The following SMARCC2 variants were observed in gnomAD, a reference collection of about 807,000 sequenced individuals.
SMARCC2 encodes SWI/SNF related BAF chromatin remodeling complex subunit C2, also known as SWI/SNF complex subunit SMARCC2.
SMARCC2 carries 15 observed loss-of-function variants against 151.3 expected under a neutral mutation model. The observed-to-expected ratio is 0.10, with a 90% CI of 0.07 to 0.15. SMARCC2 has a LOEUF of 0.15. Ranked by LOEUF, SMARCC2 falls within the 10% of genes least tolerant of loss-of-function variation. The pLI is 1.00. For missense variants in SMARCC2, 1,031 were observed against 1,599.7 expected (o/e 0.64, Z 6.06); for synonymous variants, 590 against 609.5 (o/e 0.97, Z 0.47).
intron 27 of SMARCC2, 123 bp downstream of exon 27, chr12:56,165,195 G>T: frequency 8.1e-7 from 1 of 1,237,524 alleles, no homozygotes; most frequent in Non-Finnish European, 1.1e-6. Context: ...AAGAGAGATG[G>T]GCCCATCTGT....
At position 56,171,283 on chromosome 12, in the gene SMARCC2, G is replaced by A; in HGVS notation, c.2335C>T (p.Pro779Ser). The stretch of plus-strand genomic sequence containing the variant: ...TGCCTGGCCTTACCAATCCGCTCAG[G>A]CTCATCAGAGGTGGTTCCTGCAATG... ...SGIAGTTSDE[P>S]ERIEESGNDE... The change falls in exon 22 of 29, where the codon CCT (proline) becomes TCT (serine). Residue 779 changes from proline to serine, a missense_variant. By Grantham distance (74) the Pro-to-Ser change is moderately conservative (BLOSUM62 -1). Transcript: ENST00000550164. The surrounding 1 kb of genome is among the most constrained non-coding windows in gnomAD (Gnocchi z 4.2). 12 of 1,614,216 alleles carry A rather than the reference G, an allele frequency of 7.4e-6. No individual in the cohort carries two copies. Among genetic ancestry groups the A allele is most frequent in the Non-Finnish European group, 1.0e-5 (12 of 1,180,034 alleles).
At position 56,171,646 on chromosome 12, in the gene SMARCC2, A is replaced by G. The variant is rs1592289161; in HGVS notation, c.2185+33T>C. The stretch of plus-strand genomic sequence containing the variant: ...TAACTAGCCCTTCAAAAGCAAACTA[A>G]GAAGGCCAGGTGGAACCACCCACCC... On this transcript the variant is annotated intron_variant, in intron 21 of 28. Coordinates refer to ENST00000550164, the MANE Select transcript of SMARCC2 (RefSeq NM_001330288.2). The surrounding 1 kb of genome is among the most constrained non-coding windows in gnomAD (Gnocchi z 4.2). 3.9e-6 allele frequency: 6 copies of G among 1,523,868 alleles called. No homozygotes were observed. Among genetic ancestry groups the G allele is most frequent in the Non-Finnish European group, 5.3e-6 (6 of 1,138,200 alleles). The allele number at this position is 1,523,868 out of a possible 1,614,324, so 94.4% of individuals were successfully genotyped here. A position where few individuals can be genotyped will look rare whatever the true frequency, so the allele number is the denominator to read the frequency against.
intron 28 of SMARCC2, 82 bp from the exon 29 acceptor site, chr12:56,163,847 C>T (rs1046795657): frequency 2.3e-5 from 21 of 913,948 alleles, no homozygotes; most frequent in Admixed American, 3.7e-5. Flanking sequence ...CAGACAGAAC[C>T]GGGCATGGCA....
intron 26 of SMARCC2, 119 bp downstream of exon 26, chr12:56,167,941 C>T: frequency 8.4e-7 from 1 of 1,187,996 alleles, no homozygotes; most frequent in South Asian, 1.4e-5. Context: ...GCTTATCTCT[C>T]TTTCACTGAA....
In SMARCC2 at chr12:56,180,399, G is replaced by A. The variant is rs562094799; in HGVS notation, c.1081+578C>T. Among the ~76,000 whole-genome samples the A allele has an allele frequency of 7.6e-5, 11 of 144,214 alleles. No individual in the cohort carries two copies. In the South Asian group the frequency reaches 1.8e-3, roughly 23 times the overall value. 94.6% of individuals were successfully genotyped at this position (144,214 alleles called of 152,430 possible). ...GCTGGGATTACAGGCATGAGCCACC[G>A]TGCCCGGCCCTTTTTTTTTTTGAGA... is the stretch of plus-strand genomic sequence containing the variant. On this transcript the variant is annotated intron_variant, in intron 11 of 28. Transcript: ENST00000550164.
intron 25 of SMARCC2, among the ~76,000 whole-genome samples, chr12:56,169,150 C>G (rs1338108165): frequency 6.6e-6 from 1 of 151,886 alleles, no homozygotes; most frequent in Non-Finnish European, 1.5e-5. Context: ...AAAGAGTTAG[C>G]CAGGCGTGGT....
chr12:56,172,525 A>C (rs1364652033), intron 19 of SMARCC2, 35 bp from the exon 20 acceptor site: 8 of 1,610,060 alleles, frequency 5.0e-6, no homozygotes, highest in South Asian at 1.1e-5. Flanking sequence ...AGAAGAAAGG[A>C]GCCTGTGACC....
In SMARCC2 at chr12:56,178,826, A is replaced by G. The variant is rs575556317; in HGVS notation, c.1163T>C (p.Met388Thr). ...TDLDEQEDES[M>T]ETTGKDEDEN... ...TGGCTCCACCTTGCCCGTCGTCTCC[A>G]TGCTTTCATCTTCCTGTTCATCTGA... The change falls in exon 13 of 29, where the codon ATG becomes ACG. Residue 388 changes from methionine (M) to threonine (T), a missense_variant. Met to Thr is a moderately conservative substitution (Grantham distance 81, BLOSUM62 -1). Coordinates refer to ENST00000550164, the MANE Select transcript of SMARCC2 (RefSeq NM_001330288.2). 6.2e-7 allele frequency: 1 copy of G among 1,614,126 alleles called. No individual in the cohort carries two copies. Among genetic ancestry groups the G allele is most frequent in the African/African-American group, 1.3e-5 (1 of 75,046 alleles).
Position 56,187,156 on chromosome 12 carries a change from C to T in SMARCC2, c.231+31G>A, listed in dbSNP as rs1404863222. On this transcript the variant is annotated intron_variant, in intron 2 of 28. Transcript: ENST00000550164. Reference sequence around the variant, plus strand: ...AGTTTGAAGGATTCACCACCACCACCCCCCACCCTCCCTGCTACTTCTGCA... The same window carrying T: ...AGTTTGAAGGATTCACCACCACCACTCCCCACCCTCCCTGCTACTTCTGCA... 2.5e-6 allele frequency: 4 copies of T among 1,588,998 alleles called. No individual in the cohort carries two copies. The East Asian group carries it at 9.0e-5, about 36-fold the overall frequency.
chr12:56,169,461 C>T, intron 25 of SMARCC2, 68 bp downstream of exon 25: 1 of 1,537,304 alleles, frequency 6.5e-7, no homozygotes, highest in Non-Finnish European at 8.9e-7. Context: ...GGAAAGATTT[C>T]CTCTAAGTGA....
rs1404877109 is a variant in SMARCC2, at chr12:56,180,832, C to G, written c.1081+145G>C. On this transcript the variant is annotated intron_variant, in intron 11 of 28. Transcript: ENST00000550164. Reference sequence around the variant, plus strand: ...TTAGAGGATTTTCCAGGGTAATGACCGTAATTCCAATAACCAGCTAAATTT... The same window carrying G: ...TTAGAGGATTTTCCAGGGTAATGACGGTAATTCCAATAACCAGCTAAATTT... 15 of 831,970 alleles carry G rather than the reference C, an allele frequency of 1.8e-5. No individual in the cohort carries two copies. In the East Asian group the frequency reaches 3.4e-4, roughly 19 times the overall value. The allele number at this position is 831,970 out of a possible 1,614,324, so 51.5% of individuals were successfully genotyped here.
intron 1 of SMARCC2, 66 bp from the exon 2 acceptor site, chr12:56,187,372 T>G: frequency 1.3e-6 from 2 of 1,487,902 alleles, no homozygotes; most frequent in Non-Finnish European, 1.9e-6. Flanking sequence ...TCTCCCATAT[T>G]TCTCCCCCAG....
intron 26 of SMARCC2, 90 bp from the exon 27 acceptor site, chr12:56,165,789 G>A: frequency 7.6e-7 from 1 of 1,320,994 alleles, no homozygotes; most frequent in Non-Finnish European, 1.1e-6. Context: ...TTCTGAAAGA[G>A]CCTGCCTCTC....
chr12:56,189,334 C>T lies in SMARCC2; in HGVS notation c.111+17G>A, dbSNP rs764822989. 16 of 1,467,642 alleles carry T rather than the reference C, an allele frequency of 1.1e-5. No individual in the cohort carries two copies. Among genetic ancestry groups the T allele is most frequent in the Non-Finnish European group, 1.2e-5 (13 of 1,088,700 alleles). The allele number at this position is 1,467,642 out of a possible 1,614,324, so 90.9% of individuals were successfully genotyped here. A position where few individuals can be genotyped will look rare whatever the true frequency, so the allele number is the denominator to read the frequency against. On this transcript the variant is annotated intron_variant, in intron 1 of 28. Transcript: ENST00000550164. ...TCCCGCCCCCGGTCCCCGCGCGGCCCGGCCCGGCCCGCGTACCTTCTTGTA... is the reference window on the plus strand; with the variant it reads ...TCCCGCCCCCGGTCCCCGCGCGGCCTGGCCCGGCCCGCGTACCTTCTTGTA...
intron 7 of SMARCC2, 120 bp from the exon 8 acceptor site, chr12:56,182,199 G>C (rs1876354252): frequency 3.2e-6 from 2 of 629,820 alleles, no homozygotes; most frequent in African/African-American, 3.8e-5. Flanking sequence ...TATTTTTTTT[G>C]TATTCTATTC....
At position 56,169,688 on chromosome 12, in the gene SMARCC2, A is replaced by G; in HGVS notation, c.2556T>C (p.Pro852=). The stretch of plus-strand genomic sequence containing the variant: ...CTTCCTTTGGCTCCTTCTCCTTCTC[A>G]GGATCGACTGGGCCAGGACAAGGGT... ...EKSDGDPIVD[P]EKEKEPKEGQ... is the part of the protein sequence containing the mutation. Residue 852 remains proline (P), a synonymous_variant, in exon 25 of 29, where the codon CCT becomes CCC. Coordinates refer to ENST00000550164, the MANE Select transcript of SMARCC2 (RefSeq NM_001330288.2). The G allele has an allele frequency of 6.2e-7, 1 of 1,614,000 alleles. No individual in the cohort carries two copies. The highest frequency in any genetic ancestry group is 8.5e-7 in the Non-Finnish European group (1 of 1,179,988).
chr12:56,175,970 T>C (rs1874879919), intron 15 of SMARCC2, among the ~76,000 whole-genome samples: 1 of 152,146 alleles, frequency 6.6e-6, no homozygotes, highest in Non-Finnish European at 1.5e-5. Context: ...GTGATTCTCC[T>C]GCCTCAGCCT....
intron 25 of SMARCC2, among the ~76,000 whole-genome samples, chr12:56,168,499 C>T (rs1347147934): frequency 1.3e-5 from 2 of 151,958 alleles, no homozygotes; most frequent in Non-Finnish European, 2.9e-5. Context: ...CTTTGCCTCC[C>T]CAGTACCTGG....
In SMARCC2 at chr12:56,165,678, G is replaced by A; in HGVS notation, c.2872C>T (p.Leu958Phe). The change falls in exon 27 of 29, where the codon CTC becomes TTC. Residue 958 changes from leucine to phenylalanine, a missense_variant. Physicochemically the swap from Leu to Phe is conservative, Grantham distance 22. Transcript: ENST00000550164. ...REALEYQRQQ[L>F]LADRQAFHME... ...TGGAAGGCTTGTCTGTCGGCCAGGAGCTGCTGCCTCTGATACTCCAGCTGC... is the reference window on the plus strand; with the variant it reads ...TGGAAGGCTTGTCTGTCGGCCAGGAACTGCTGCCTCTGATACTCCAGCTGC... The A allele has an allele frequency of 6.2e-7, 1 of 1,611,290 alleles. No homozygotes were observed. The highest frequency in any genetic ancestry group is 1.1e-5 in the South Asian group (1 of 91,092).
Sources: allele counts gnomAD v4.1 joint callset (sites outside exome capture counted in the v4.1 genomes callset), GRCh38; gene constraint gnomAD v4.1.1; non-coding constraint Gnocchi (gnomAD v3.1); transcripts MANE v1.5; gene names NCBI Gene and HGNC (gene_info 2026-07-23, HGNC 2026-07-21).